CKAP5: variants seen among roughly 807,000 people sequenced by gnomAD.
The protein encoded by CKAP5 is cytoskeleton-associated protein 5.
A neutral mutation model predicts 232.8 loss-of-function variants in CKAP5; 27 were observed. That is an observed-to-expected ratio of 0.12 (90% CI 0.09 to 0.16). The LOEUF is 0.16. Ranked by LOEUF, CKAP5 falls within the 10% of genes least tolerant of loss-of-function variation. The pLI, the probability that CKAP5 is intolerant of heterozygous loss-of-function variation, is 1.00. For synonymous variants in CKAP5, 785 were observed against 841.1 expected (o/e 0.93, Z 1.16); for missense variants, 1,838 against 2,424.7 (o/e 0.76, Z 5.08).
chr11:46,817,906 C>T (rs867521431), intron 3 of CKAP5, among the ~76,000 whole-genome samples: 1 of 152,240 alleles, frequency 6.6e-6, no homozygotes, highest in South Asian at 2.1e-4. Context: ...TCTAACAACC[C>T]TTGTAAAAAA....
intron 1 of CKAP5, among the ~76,000 whole-genome samples, chr11:46,842,915 CGA>C (rs1940091011): frequency 7.1e-6 from 1 of 140,868 alleles, no homozygotes; most frequent in Non-Finnish European, 1.5e-5. Flanking sequence ...TGCAGTGAGC[CGA>C]GATCGCGCCA....
chr11:46,791,409 T>C (rs1342141463), intron 13 of CKAP5, among the ~76,000 whole-genome samples: 1 of 151,880 alleles, frequency 6.6e-6, no homozygotes, highest in Non-Finnish European at 1.5e-5. Context: ...CTGAGCACAG[T>C]AGTTCACACC....
intron 15 of CKAP5, among the ~76,000 whole-genome samples, chr11:46,789,214 T>C (rs1171698348): frequency 1.3e-5 from 2 of 152,200 alleles, no homozygotes; most frequent in African/African-American, 2.4e-5. Context: ...CTAAACCCAA[T>C]GGGCAGCAGA....
chr11:46,757,821 C>T (rs1466208994), intron 35 of CKAP5, among the ~76,000 whole-genome samples: 3 of 150,666 alleles, frequency 2.0e-5, no homozygotes, highest in East Asian at 4.0e-4. Context: ...CTCCTGACCT[C>T]GTGATCCACC....
Position 46,778,308 on chromosome 11 carries a change from T to C in CKAP5, c.2579A>G (p.Lys860Arg). Residue 860 changes from lysine (K) to arginine (R), a missense_variant, in exon 22 of 44, where the codon AAA becomes AGA. By Grantham distance (26) the Lys-to-Arg change is conservative. This residue lies in a region of CKAP5 where 767 missense variants were observed against 954.6 expected (regional missense o/e 0.80). Coordinates refer to ENST00000529230, the MANE Select transcript of CKAP5 (RefSeq NM_001008938.4). Reference protein sequence around the residue: ...DLLPRTEISDKITSELVSKIG... With the variant: ...DLLPRTEISDRITSELVSKIG... ...CTTAGATACCAACTCTGAAGTGATT[T>C]TATCACTGAAAAACAGAAAATAACC... is the stretch of plus-strand genomic sequence containing the variant. 1 of 1,611,480 alleles carries C rather than the reference T, an allele frequency of 6.2e-7. No individual in the cohort carries two copies. Among genetic ancestry groups the C allele is most frequent in the Non-Finnish European group, 8.5e-7 (1 of 1,178,816 alleles).
At chr11:46,817,743 G>GT (rs1442571789) in intron 3 of CKAP5, among the ~76,000 whole-genome samples, 2 of 151,958 alleles carry the variant, frequency 1.3e-5, no homozygotes, top group African/African-American at 4.8e-5. Flanking sequence ...GGTCTATGAG[G>GT]TATGGGATAG....
intron 42 of CKAP5, among the ~76,000 whole-genome samples, chr11:46,747,455 A>G (rs903865882): frequency 6.6e-6 from 1 of 151,918 alleles, no homozygotes; most frequent in Non-Finnish European, 1.5e-5. Flanking sequence ...TACAAAACTT[A>G]GCTGGGCGTG....
At chr11:46,762,300 C>T (rs770608841) in intron 31 of CKAP5, 107 bp from the exon 32 acceptor site, 2 of 1,159,368 alleles carry the variant, frequency 1.7e-6, no homozygotes, top group Non-Finnish European at 2.5e-6. Flanking sequence ...TAAAACCTTA[C>T]TCTGGCTCTG....
intron 17 of CKAP5, 121 bp from the exon 18 acceptor site, chr11:46,783,489 C>T: frequency 1.6e-6 from 1 of 609,514 alleles, no homozygotes; most frequent in Non-Finnish European, 2.9e-6. Context: ...TGCAAGAATG[C>T]CTTAGGAACA....
chr11:46,770,197 C>T (rs2065236065), intron 25 of CKAP5, 99 bp from the exon 26 acceptor site: 1 of 1,301,770 alleles, frequency 7.7e-7, no homozygotes, highest in African/African-American at 1.5e-5. Flanking sequence ...TGATTGAGCT[C>T]CTAGTTTTGA....
chr11:46,841,233 G>A (rs1014101837), intron 1 of CKAP5, among the ~76,000 whole-genome samples: 2 of 150,676 alleles, frequency 1.3e-5, no homozygotes, highest in Admixed American at 6.6e-5. Context: ...CTGCGCCACC[G>A]CACTCCAGCC....
intron 33 of CKAP5, 89 bp downstream of exon 33, chr11:46,760,523 G>T: frequency 7.9e-7 from 1 of 1,271,024 alleles, no homozygotes; most frequent in Non-Finnish European, 1.1e-6. Context: ...ATGGCTACAA[G>T]AACTCAAGAT....
rs138182008 is a variant in CKAP5 at position 46,792,573 on chromosome 11, A to C, written c.1651-1990T>G. 6.9e-3 allele frequency among the ~76,000 whole-genome samples: 1,051 copies of C among 152,160 alleles called. 6 individuals carry two copies. The highest frequency in any genetic ancestry group is 8.8e-3 in the Non-Finnish European group (596 of 67,988). On this transcript the variant is annotated intron_variant, in intron 13 of 43. Coordinates refer to ENST00000529230, the MANE Select transcript of CKAP5 (RefSeq NM_001008938.4). ...GTCTCAAAAAAAAACAAAAACAACA[A>C]CAACAACAACAAAACCAACCAAACA...
chr11:46,754,030 G>A (rs2065091331), intron 36 of CKAP5, among the ~76,000 whole-genome samples: 1 of 150,802 alleles, frequency 6.6e-6, no homozygotes, highest in South Asian at 2.1e-4. Context: ...ACAGAGTCTT[G>A]CTCTGTTGCC....
At chr11:46,837,633 C>G (rs1939946190) in intron 1 of CKAP5, among the ~76,000 whole-genome samples, 1 of 152,020 alleles carries the variant, frequency 6.6e-6, no homozygotes, top group African/African-American at 2.4e-5. Flanking sequence ...GGAACATTTC[C>G]AGATAGTAAG....
At chr11:46,767,479 C>G in intron 27 of CKAP5, 96 bp downstream of exon 27, 1 of 723,760 alleles carries the variant, frequency 1.4e-6, no homozygotes, top group Non-Finnish European at 2.2e-6. Context: ...CAGTGATGTT[C>G]TTTTATATAT....
intron 4 of CKAP5, among the ~76,000 whole-genome samples, chr11:46,813,853 G>T (rs1375594463): frequency 1.3e-5 from 2 of 152,090 alleles, no homozygotes; most frequent in African/African-American, 4.8e-5. Context: ...GAAGATTATA[G>T]GCCAGGTGCG....
intron 42 of CKAP5, among the ~76,000 whole-genome samples, chr11:46,749,085 C>T (rs1364126882): frequency 6.6e-6 from 1 of 151,652 alleles, no homozygotes; most frequent in African/African-American, 2.4e-5. Flanking sequence ...CCGCCTCAGC[C>T]TCCCAAAGTC....
At chr11:46,829,508 C>G (rs1345277429) in intron 1 of CKAP5, among the ~76,000 whole-genome samples, 3 of 152,190 alleles carry the variant, frequency 2.0e-5, no homozygotes, top group African/African-American at 7.2e-5. Context: ...ACACTCCACC[C>G]TGAACGATGG....
Sources: gnomAD v4.1 joint callset for allele counts (sites outside exome capture counted in the v4.1 genomes callset) on GRCh38, gnomAD v4.1.1 for gene constraint, gnomAD v4.1.1 regional missense constraint, MANE v1.5 for transcripts, NCBI Gene and HGNC (gene_info 2026-07-23, HGNC 2026-07-21) for gene names.